Variants in ZNF516 observed in about 807,000 individuals in gnomAD.
ZNF516 encodes the protein zinc finger protein 516.
Under a neutral mutation model 79.7 loss-of-function variants are expected in ZNF516, and 19 were observed. The ratio of observed to expected loss-of-function variants is 0.24; its 90% confidence interval spans 0.17 to 0.35. The LOEUF is 0.35. Ranked by LOEUF, ZNF516 falls within the 10% of genes least tolerant of loss-of-function variation. The pLI is 1.00. For synonymous variants in ZNF516, 877 were observed against 739.5 expected (o/e 1.19, Z -3.02); for missense variants, 1,678 against 1,679.5 (o/e 1.00, Z 0.02).
Position 76,390,922 on chromosome 18 carries a change from T to C in ZNF516, c.1811-10619A>G, listed in dbSNP as rs76356733. On this transcript the variant is annotated intron_variant, in intron 3 of 6. Coordinates refer to ENST00000443185, the MANE Select transcript of ZNF516 (RefSeq NM_014643.4). Reference sequence around the variant, plus strand: ...ACGAAACCTGAGGCACAAAGCAGCTTATCTAAGGCCATCAGGCTGAGAGCT... The same window carrying C: ...ACGAAACCTGAGGCACAAAGCAGCTCATCTAAGGCCATCAGGCTGAGAGCT... 5.2e-3 allele frequency among the ~76,000 whole-genome samples: 797 copies of C among 152,210 alleles called. 11 individuals are homozygous for C. Among genetic ancestry groups the C allele is most frequent in the African/African-American group, 0.018 (728 of 41,522 alleles).
chr18:76,404,663 G>A (rs1464934490), intron 3 of ZNF516, among the ~76,000 whole-genome samples: 2 of 152,208 alleles, frequency 1.3e-5, no homozygotes, highest in Non-Finnish European at 2.9e-5. Context: ...GTGTACATGG[G>A]TGAGCGTGAG....
chr18:76,440,893 A>C (rs2075808911), intron 3 of ZNF516, among the ~76,000 whole-genome samples: 1 of 152,214 alleles, frequency 6.6e-6, no homozygotes, highest in South Asian at 2.1e-4. Context: ...CTCAGGTGAG[A>C]CCATCAACCC....
At chr18:76,424,874 G>A (rs1051850224) in intron 3 of ZNF516, among the ~76,000 whole-genome samples, 3 of 129,942 alleles carry the variant, frequency 2.3e-5, no homozygotes, top group African/African-American at 9.1e-5. Context: ...AAGGTTCCAT[G>A]AAACACACAT....
intron 6 of ZNF516, 105 bp downstream of exon 6, chr18:76,370,423 G>T: frequency 8.9e-7 from 1 of 1,128,762 alleles, no homozygotes; most frequent in Non-Finnish European, 1.2e-6. Context: ...TACACATCTA[G>T]TGAAAAAAAC....
intron 2 of ZNF516, among the ~76,000 whole-genome samples, chr18:76,461,909 G>A (rs914052256): frequency 2.1e-4 from 32 of 152,336 alleles, no homozygotes; most frequent in African/African-American, 6.7e-4. Context: ...GGAAGGGTGC[G>A]GCGTCCAGCC....
At chr18:76,408,369 T>A (rs996415928) in intron 3 of ZNF516, among the ~76,000 whole-genome samples, 1 of 152,010 alleles carries the variant, frequency 6.6e-6, no homozygotes, top group Non-Finnish European at 1.5e-5. Context: ...GCGGCGTGCG[T>A]CTCTCCTGAC....
At chr18:76,441,185 A>G in intron 3 of ZNF516, 60 bp downstream of exon 3, 1 of 1,549,088 alleles carries the variant, frequency 6.5e-7, no homozygotes, top group Non-Finnish European at 8.7e-7. Flanking sequence ...TTTACCTGGA[A>G]GCAGGAACCC....
At chr18:76,465,445 G>C (rs567959118) in intron 1 of ZNF516, among the ~76,000 whole-genome samples, 1 of 152,338 alleles carries the variant, frequency 6.6e-6, no homozygotes, top group South Asian at 2.1e-4. Context: ...GCCAATCTGT[G>C]TCTGAGAAAG....
intron 4 of ZNF516, among the ~76,000 whole-genome samples, chr18:76,372,127 C>G (rs1049946544): frequency 2.0e-5 from 3 of 152,236 alleles, no homozygotes; most frequent in African/African-American, 7.2e-5. Flanking sequence ...CTACAACCAC[C>G]AGGCAGCAGG....
chr18:76,480,159 T>TAAAAAAAAAAAAAAAAAAAAA (rs539724418), intron 1 of ZNF516, among the ~76,000 whole-genome samples: 1 of 109,208 alleles, frequency 9.2e-6, no homozygotes, highest in Non-Finnish European at 1.8e-5. Flanking sequence ...AGATTTTGTG[T>TAAAAAAAAAAAAAAAAAAAAA]AAAAAAAAAA....
chr18:76,478,536 CA>C (rs1457070754), intron 1 of ZNF516, among the ~76,000 whole-genome samples: 2 of 152,086 alleles, frequency 1.3e-5, no homozygotes, highest in East Asian at 3.9e-4. Flanking sequence ...TTTTAATCTA[CA>C]AAAAATAGGA....
chr18:76,429,344 C>A (rs1221795937), intron 3 of ZNF516, among the ~76,000 whole-genome samples: 1 of 152,214 alleles, frequency 6.6e-6, no homozygotes, highest in African/African-American at 2.4e-5. Context: ...AGATAAAAGA[C>A]AACAAGCTCA....
intron 1 of ZNF516, among the ~76,000 whole-genome samples, chr18:76,473,782 C>G (rs1240575594): frequency 6.7e-6 from 1 of 148,812 alleles, no homozygotes; most frequent in Non-Finnish European, 1.5e-5. Context: ...GCCTGAGCAA[C>G]AGGGTGAGAC....
intron 3 of ZNF516, among the ~76,000 whole-genome samples, chr18:76,424,204 AACAC>A (rs2075556014): frequency 2.8e-5 from 1 of 35,156 alleles, no homozygotes; most frequent in Admixed American, 2.5e-4. Flanking sequence ...GCTCCCCCGA[AACAC>A]ACACTCAGGT....
intron 1 of ZNF516, among the ~76,000 whole-genome samples, chr18:76,470,668 C>G (rs1316134885): frequency 6.6e-6 from 1 of 152,226 alleles, no homozygotes; most frequent in Non-Finnish European, 1.5e-5. Flanking sequence ...GACTTCTTAT[C>G]TATGATTTTC....
At chr18:76,469,793 A>G (rs949122196) in intron 1 of ZNF516, among the ~76,000 whole-genome samples, 2 of 152,238 alleles carry the variant, frequency 1.3e-5, no homozygotes, top group African/African-American at 2.4e-5. Context: ...TAATTATAAA[A>G]AACCAATACA....
chr18:76,431,700 G>C (rs1259396354), intron 3 of ZNF516, among the ~76,000 whole-genome samples: 1 of 152,084 alleles, frequency 6.6e-6, no homozygotes, highest in Non-Finnish European at 1.5e-5. Flanking sequence ...TCTCTCTCTT[G>C]CTCCCGCTCT....
chr18:76,480,525 A>ACATT (rs1914459403), intron 1 of ZNF516, among the ~76,000 whole-genome samples: 1 of 66,994 alleles, frequency 1.5e-5, no homozygotes, highest in South Asian at 5.8e-4. Flanking sequence ...ACACACACAC[A>ACATT]TATATTTTTT....
Position 76,379,337 on chromosome 18 carries a change from C to T in ZNF516, c.2777G>A (p.Ser926Asn). Residue 926 changes from serine to asparagine, a missense_variant, in exon 4 of 7, where the codon AGC (serine) becomes AAC (asparagine). Around this residue, in one of 5 missense-constraint regions of ZNF516, gnomAD observed 1,294 missense variants for 1,248.3 expected, o/e 1.04. Coordinates refer to ENST00000443185, the MANE Select transcript of ZNF516 (RefSeq NM_014643.4). ...PVPAPGGGGF[S>N]RSATPTPTVI... ...GGTGGGCGTAGGGGTGGCGCTCCTG[C>T]TGAAGCCCCCGCCACCCGGGGCAGG... 3 of 1,594,208 alleles carry T rather than the reference C, an allele frequency of 1.9e-6. No individual in the cohort carries two copies. Among genetic ancestry groups the T allele is most frequent in the South Asian group, 1.1e-5 (1 of 88,692 alleles).
Sources: gnomAD v4.1 joint callset for allele counts (sites outside exome capture counted in the v4.1 genomes callset) on GRCh38, gnomAD v4.1.1 for gene constraint, gnomAD v4.1.1 regional missense constraint, MANE v1.5 for transcripts, NCBI Gene and HGNC (gene_info 2026-07-23, HGNC 2026-07-21) for gene names.